TMEM272: variants seen among roughly 807,000 people sequenced by gnomAD.
TMEM272 encodes the protein long intergenic non-protein coding RNA 282.
Under a neutral mutation model 3.7 loss-of-function variants are expected in TMEM272, and 8 were observed. That is an observed-to-expected ratio of 2.17 (90% CI 1.27 to 3.91). The LOEUF (loss-of-function observed/expected upper bound fraction) is 3.91, where lower values mean the gene tolerates loss of function less well. Ranked by LOEUF, TMEM272 falls within the 30% of genes most tolerant of loss-of-function variation. The probability of loss-of-function intolerance (pLI) is 0.00; values close to 1 mark genes in which losing one functional copy is unlikely to be tolerated. For missense variants in TMEM272, 166 were observed against 91.5 expected (o/e 1.81, Z -3.32); for synonymous variants, 63 against 39.8 (o/e 1.58, Z -2.20).
intron 2 of TMEM272, among the ~76,000 whole-genome samples, chr13:51,829,715 A>G (rs924091272): frequency 6.6e-6 from 1 of 152,192 alleles, no homozygotes; most frequent in African/African-American, 2.4e-5. Context: ...TATATAATCC[A>G]GGCAGTGAGT....
At chr13:51,898,496 A>G in the TMEM272 span, among the ~76,000 whole-genome samples, 1 of 151,824 alleles carries the variant, frequency 6.6e-6, no homozygotes, top group African/African-American at 2.4e-5. Context: ...GGCAGCTACC[A>G]CTACATAAAT....
At chr13:51,837,289 G>T (rs1049080543) in intron 2 of TMEM272, among the ~76,000 whole-genome samples, 3 of 152,148 alleles carry the variant, frequency 2.0e-5, no homozygotes, top group Non-Finnish European at 4.4e-5. Context: ...TGTGTGTTGG[G>T]GGAGGTGGTG....
intron 4 of TMEM272, among the ~76,000 whole-genome samples, chr13:51,821,390 C>T (rs1026417725): frequency 2.6e-5 from 4 of 152,112 alleles, no homozygotes; most frequent in African/African-American, 4.8e-5. Flanking sequence ...AGGCTATGCA[C>T]GCCCCTGATA....
chr13:51,835,895 C>T (rs1593597623), intron 2 of TMEM272, among the ~76,000 whole-genome samples: 1 of 152,174 alleles, frequency 6.6e-6, no homozygotes, highest in East Asian at 1.9e-4. Flanking sequence ...TAATATAGTA[C>T]CTTAGTACAG....
chr13:51,876,493 T>G, the TMEM272 span, among the ~76,000 whole-genome samples: 1 of 152,246 alleles, frequency 6.6e-6, no homozygotes, highest in Non-Finnish European at 1.5e-5. Context: ...GATTGTTCTG[T>G]GCCTTGGTTA....
chr13:51,878,124 G>T, the TMEM272 span, among the ~76,000 whole-genome samples: 6 of 152,086 alleles, frequency 3.9e-5, no homozygotes, highest in African/African-American at 1.4e-4. Flanking sequence ...TGGGGGAAAC[G>T]CCCCTTATAA....
intron 3 of TMEM272, among the ~76,000 whole-genome samples, chr13:51,825,233 T>C (rs573414527): frequency 6.6e-6 from 1 of 152,376 alleles, no homozygotes; most frequent in Admixed American, 6.5e-5. Context: ...TTCAGTTCTC[T>C]GCAAACCTTA....
the TMEM272 span, among the ~76,000 whole-genome samples, chr13:51,874,809 G>C: frequency 1.3e-5 from 2 of 152,192 alleles, no homozygotes; most frequent in Non-Finnish European, 2.9e-5. Flanking sequence ...CAGAAGCGCT[G>C]GTTTTGCTCG....
At chr13:51,920,606 G>A in the TMEM272 span, among the ~76,000 whole-genome samples, 29 of 152,038 alleles carry the variant, frequency 1.9e-4, no homozygotes, top group Admixed American at 1.3e-3. Flanking sequence ...CCTCCCAGCC[G>A]GGTCCCCTCA....
chr13:51,922,742 G>A, the TMEM272 span, among the ~76,000 whole-genome samples: 8 of 152,212 alleles, frequency 5.3e-5, no homozygotes, highest in African/African-American at 1.4e-4. Flanking sequence ...CCTTCTGGAG[G>A]CTCCAAGGGA....
the TMEM272 span, among the ~76,000 whole-genome samples, chr13:51,902,634 C>A: frequency 6.6e-6 from 1 of 152,226 alleles, no homozygotes; most frequent in African/African-American, 2.4e-5. Context: ...CAGTGAGCCA[C>A]CCCAGAAGCA....
the TMEM272 span, chr13:51,909,788 A>G: frequency 1.9e-6 from 3 of 1,584,492 alleles, no homozygotes; most frequent in South Asian, 2.2e-5. Context: ...CCAGCACAGC[A>G]GCCTGATCTT....
chr13:51,859,505 A>AACACACACACACACACACAC, the TMEM272 span, among the ~76,000 whole-genome samples: 1 of 129,944 alleles, frequency 7.7e-6, no homozygotes, highest in African/African-American at 2.9e-5. Context: ...CTCCCAACCA[A>AACACACACACACACACACAC]ACACACACAC....
chr13:51,865,780 C>A, the TMEM272 span: 5 of 1,614,160 alleles, frequency 3.1e-6, no homozygotes, highest in Non-Finnish European at 3.4e-6. Flanking sequence ...AGGATAAGGC[C>A]TTCTGGAAAG....
Position 51,816,406 on chromosome 13 carries a change from T to C in TMEM272, c.*345A>G, listed in dbSNP as rs1343973455. The C allele has an allele frequency of 9.7e-6, 2 of 205,652 alleles. No homozygotes were observed. Among genetic ancestry groups the C allele is most frequent in the Admixed American group, 1.0e-4 (2 of 19,332 alleles). The allele number at this position is 205,652 out of a possible 1,614,324, so 12.7% of individuals were successfully genotyped here. A position where few individuals can be genotyped will look rare whatever the true frequency, so the allele number is the denominator to read the frequency against. ...ACCAACCTTGCTCTTGCACCAGTCATTGAAATTGCACTATGATTTGAAAAG... is the reference window on the plus strand; with the variant it reads ...ACCAACCTTGCTCTTGCACCAGTCACTGAAATTGCACTATGATTTGAAAAG... On this transcript the variant is annotated 3_prime_UTR_variant, in exon 5 of 5. Transcript: ENST00000629372.
chr13:51,907,791 C>T, the TMEM272 span, among the ~76,000 whole-genome samples: 1 of 152,168 alleles, frequency 6.6e-6, no homozygotes, highest in Non-Finnish European at 1.5e-5. Context: ...CTCTCCATAC[C>T]TGAAGAATAA....
chr13:51,901,584 T>C, the TMEM272 span, among the ~76,000 whole-genome samples: 3 of 152,136 alleles, frequency 2.0e-5, no homozygotes, highest in Non-Finnish European at 4.4e-5. Flanking sequence ...ATGGCATTAC[T>C]AACTACCCCC....
the TMEM272 span, among the ~76,000 whole-genome samples, chr13:51,930,818 G>A: frequency 6.7e-6 from 1 of 148,368 alleles, no homozygotes; most frequent in African/African-American, 2.5e-5. Flanking sequence ...GGCTGATTTT[G>A]GTCTATGCTG....
At chr13:51,909,775 C>T in the TMEM272 span, 10 of 1,577,626 alleles carry the variant, frequency 6.3e-6, no homozygotes, top group Admixed American at 1.7e-5. Flanking sequence ...GTTATGTCTT[C>T]TTCCAGCACA....
Sources: gnomAD v4.1 joint callset for allele counts (sites outside exome capture counted in the v4.1 genomes callset) on GRCh38, gnomAD v4.1.1 for gene constraint, MANE v1.5 for transcripts, NCBI Gene and HGNC (gene_info 2026-07-23, HGNC 2026-07-21) for gene names.